The following ADAM10 variants were observed in gnomAD, a reference collection of about 807,000 sequenced individuals.
The protein encoded by ADAM10 is disintegrin and metalloproteinase domain-containing protein 10.
A neutral mutation model predicts 90.1 loss-of-function variants in ADAM10; 17 were observed. The ratio of observed to expected loss-of-function variants is 0.19; its 90% CI spans 0.13 to 0.28. The LOEUF (loss-of-function observed/expected upper bound fraction) is 0.28. Ranked by LOEUF, ADAM10 falls within the 10% of genes least tolerant of loss-of-function variation. The pLI, the probability that ADAM10 is intolerant of heterozygous loss-of-function variation, is 1.00. For synonymous variants in ADAM10, 310 were observed against 298.6 expected (o/e 1.04, Z -0.40); for missense variants, 610 against 914.3 (o/e 0.67, Z 4.29).
At chr15:58,713,411 C>T (rs1426491447) in intron 2 of ADAM10, among the ~76,000 whole-genome samples, 2 of 152,092 alleles carry the variant, frequency 1.3e-5, no homozygotes, top group Non-Finnish European at 1.5e-5. Flanking sequence ...CAGCAATTCA[C>T]TCACTCAATA....
intron 5 of ADAM10, among the ~76,000 whole-genome samples, chr15:58,655,718 TA>T (rs60121089): frequency 1.4e-5 from 1 of 72,066 alleles, no homozygotes; most frequent in Non-Finnish European, 2.4e-5. Flanking sequence ...ATAGTATATA[TA>T]TATATATATA....
At position 58,740,651 on chromosome 15, in the gene ADAM10, G is replaced by A. The variant is rs182601595; in HGVS notation, c.55+8829C>T. ...GACTCCTGGCCTAAACTAATCCTCC[G>A]AGCTTAGCTTCCCAAAGTGCTGGGA... On this transcript the variant is annotated intron_variant, in intron 1 of 15. Coordinates refer to ENST00000260408, the MANE Select transcript of ADAM10 (RefSeq NM_001110.4). Among the ~76,000 whole-genome samples, 747 of 151,976 alleles carry A rather than the reference G, an allele frequency of 4.9e-3. 10 individuals carry two copies. Among genetic ancestry groups the A allele is most frequent in the African/African-American group, 0.017 (711 of 41,450 alleles).
At chr15:58,647,246 G>GTTTTTTTTTTT (rs1323960397) in intron 5 of ADAM10, among the ~76,000 whole-genome samples, 28 of 36,846 alleles carry the variant, frequency 7.6e-4, no homozygotes, top group Admixed American at 2.0e-3. Context: ...TAGACACTAA[G>GTTTTTTTTTTT]TATTTTTTTT....
In ADAM10 at chr15:58,729,122, C is replaced by T. The variant is rs143755556; in HGVS notation, c.56-11395G>A. Among the ~76,000 whole-genome samples, 40 of 152,158 alleles carry T rather than the reference C, an allele frequency of 2.6e-4. No homozygotes were observed. In the East Asian group the frequency reaches 7.7e-3, roughly 29 times the overall value. On this transcript the variant is annotated intron_variant, in intron 1 of 15. Coordinates refer to ENST00000260408, the MANE Select transcript of ADAM10 (RefSeq NM_001110.4). The stretch of plus-strand genomic sequence containing the variant: ...CATGTAATCCCAGCACTTTGGGAGG[C>T]TAAGGCAGAAGAACTGCTTGAGCCC...
chr15:58,712,831 A>G (rs893530880), intron 2 of ADAM10, among the ~76,000 whole-genome samples: 1 of 152,118 alleles, frequency 6.6e-6, no homozygotes. Flanking sequence ...GCCTCAAAAA[A>G]AAGAACAAGA....
In ADAM10 at chr15:58,610,306, T is replaced by G; in HGVS notation, c.2016A>C (p.Glu672Asp). 1 of 1,613,914 alleles carries G rather than the reference T, an allele frequency of 6.2e-7. No homozygotes were observed. Among genetic ancestry groups the G allele is most frequent in the Non-Finnish European group, 8.5e-7 (1 of 1,179,760 alleles). The change falls in exon 14 of 16, where the codon GAA becomes GAC. Residue 672 changes from glutamate (E) to aspartate (D), a missense_variant. Transcript: ENST00000260408. ...FSPELYENIA[E>D]WIVAHWWAVL... ...TAAAAAACATACTTACCACAATCCATTCAGCAATGTTTTCATAGAGCTCTG... is the reference window on the plus strand; with the variant it reads ...TAAAAAACATACTTACCACAATCCAGTCAGCAATGTTTTCATAGAGCTCTG...
At position 58,594,797 on chromosome 15, in the gene ADAM10, A is replaced by G. The variant is rs1894907996; in HGVS notation, c.*2750T>C. 6.6e-6 allele frequency: 1 copy of G among 152,202 alleles called. No individual in the cohort carries two copies. Among genetic ancestry groups the G allele is most frequent in the African/African-American group, 2.4e-5 (1 of 41,458 alleles). 9.4% of individuals were successfully genotyped at this position (152,202 alleles called of 1,614,324 possible). A position where few individuals can be genotyped will look rare whatever the true frequency, so the allele number is the denominator to read the frequency against. ...TCAATCAATATTGAGAGTTTCATAA[A>G]TAACTAAACATAATATACATTTGAT... On this transcript the variant is annotated 3_prime_UTR_variant, in exon 16 of 16. Transcript: ENST00000260408.
At chr15:58,678,632 G>C (rs1265469779) in intron 4 of ADAM10, among the ~76,000 whole-genome samples, 1 of 152,088 alleles carries the variant, frequency 6.6e-6, no homozygotes, top group African/African-American at 2.4e-5. Context: ...CAAAATCCAT[G>C]ATAAACGTGG....
intron 5 of ADAM10, among the ~76,000 whole-genome samples, chr15:58,659,669 T>C (rs1284933777): frequency 6.6e-6 from 1 of 152,234 alleles, no homozygotes; most frequent in Non-Finnish European, 1.5e-5. Context: ...CTTAGTTTTC[T>C]TGTAATGTCT....
intron 8 of ADAM10, among the ~76,000 whole-genome samples, chr15:58,634,594 G>A (rs1054371869): frequency 6.6e-6 from 1 of 151,884 alleles, no homozygotes; most frequent in Non-Finnish European, 1.5e-5. Context: ...GAAACCATCT[G>A]GTCAATTCAT....
chr15:58,702,560 C>A (rs1481280521), intron 2 of ADAM10, among the ~76,000 whole-genome samples: 1 of 152,098 alleles, frequency 6.6e-6, no homozygotes, highest in East Asian at 1.9e-4. Flanking sequence ...AACAAAATAT[C>A]ACAAGTACCC....
At chr15:58,641,838 T>C (rs1896424754) in intron 7 of ADAM10, among the ~76,000 whole-genome samples, 1 of 152,168 alleles carries the variant, frequency 6.6e-6, no homozygotes, top group South Asian at 2.1e-4. Flanking sequence ...TTGAAAATGT[T>C]GGCAGTAAGA....
Position 58,679,217 on chromosome 15 carries a change from G to A in ADAM10, c.391C>T (p.Arg131Cys), listed in dbSNP as rs770957775. ...DGRFEGFIQT[R>C]GGTFYVEPAE... ...GGCTCAACATAAAATGTGCCACCACGAGTCTGGATGAATCCTTCAAATCTT... is the reference window on the plus strand; with the variant it reads ...GGCTCAACATAAAATGTGCCACCACAAGTCTGGATGAATCCTTCAAATCTT... Residue 131 changes from arginine (R) to cysteine (C), a missense_variant, in exon 4 of 16, where the codon CGT becomes TGT. Transcript: ENST00000260408. The A allele has an allele frequency of 9.9e-6, 16 of 1,613,994 alleles. No individual in the cohort carries two copies. The highest frequency in any genetic ancestry group is 5.5e-5 in the South Asian group (5 of 91,084).
chr15:58,708,267 C>T (rs550828293), intron 2 of ADAM10, among the ~76,000 whole-genome samples: 2 of 152,126 alleles, frequency 1.3e-5, no homozygotes, highest in African/African-American at 4.8e-5. Context: ...AAATCTGAAA[C>T]AGTCTTTCCG....
intron 2 of ADAM10, among the ~76,000 whole-genome samples, chr15:58,705,016 G>GC (rs1210131458): frequency 3.3e-5 from 5 of 152,102 alleles, no homozygotes; most frequent in Admixed American, 2.6e-4. Context: ...CTGAACAAAT[G>GC]CAAGTAAGAT....
chr15:58,736,762 G>GA (rs1899444008), intron 1 of ADAM10, among the ~76,000 whole-genome samples: 1 of 151,746 alleles, frequency 6.6e-6, no homozygotes, highest in Non-Finnish European at 1.5e-5. Flanking sequence ...ACAGTATATC[G>GA]AAAAAAGCCT....
At chr15:58,620,224 G>A (rs1018361462) in intron 11 of ADAM10, among the ~76,000 whole-genome samples, 12 of 152,062 alleles carry the variant, frequency 7.9e-5, no homozygotes, top group South Asian at 2.1e-4. Context: ...CTAGCACTTC[G>A]GGAGGCGAAG....
rs1002039274 is a variant in ADAM10 at position 58,726,173 on chromosome 15, C to T, written c.56-8446G>A. Among the ~76,000 whole-genome samples, 4 of 152,060 alleles carry T rather than the reference C, an allele frequency of 2.6e-5. No individual in the cohort carries two copies. In the East Asian group the frequency reaches 7.7e-4, roughly 29 times the overall value. On this transcript the variant is annotated intron_variant, in intron 1 of 15. Transcript: ENST00000260408. ...AGAGGAGAAACACAGTGTACATATACTCCATATGAAGTGAAGTAATATTAT... is the reference window on the plus strand; with the variant it reads ...AGAGGAGAAACACAGTGTACATATATTCCATATGAAGTGAAGTAATATTAT...
intron 2 of ADAM10, among the ~76,000 whole-genome samples, chr15:58,709,145 T>A (rs1898394166): frequency 6.6e-6 from 1 of 152,092 alleles, no homozygotes; most frequent in Non-Finnish European, 1.5e-5. Context: ...TGAAATAGGA[T>A]AAACATTAAA....
Sources: gnomAD v4.1 joint callset for allele counts (sites outside exome capture counted in the v4.1 genomes callset) on GRCh38, gnomAD v4.1.1 for gene constraint, MANE v1.5 for transcripts, NCBI Gene and HGNC (gene_info 2026-07-23, HGNC 2026-07-21) for gene names.